The following SMCO2 variants were observed in gnomAD, a reference collection of about 807,000 sequenced individuals.
SMCO2 encodes the protein single-pass membrane and coiled-coil domain-containing protein 2.
Under a neutral mutation model 29.5 loss-of-function variants are expected in SMCO2, and 25 were observed. The observed-to-expected ratio is 0.85, with a 90% CI of 0.62 to 1.18. The LOEUF (loss-of-function observed/expected upper bound fraction) is 1.18. Ranked by LOEUF, SMCO2 falls within the 50% of genes most tolerant of loss-of-function variation. The pLI is 0.00. For synonymous variants in SMCO2, 117 were observed against 123.3 expected (o/e 0.95, Z 0.34); for missense variants, 348 against 344.5 (o/e 1.01, Z -0.08).
the SMCO2 span, among the ~76,000 whole-genome samples, chr12:27,429,924 A>C: frequency 6.6e-6 from 1 of 152,088 alleles, no homozygotes; most frequent in Non-Finnish European, 1.5e-5. Context: ...AGGAGGGAAA[A>C]CTTCTCCACC....
exon 5 of SMCO2, chr12:27,488,487 G>A: frequency 6.5e-7 from 1 of 1,538,104 alleles, no homozygotes. Context: ...TGACCCTGAA[G>A]GGTCAAATTG....
chr12:27,443,409 A>G, the SMCO2 span, among the ~76,000 whole-genome samples: 1 of 152,238 alleles, frequency 6.6e-6, no homozygotes, highest in Non-Finnish European at 1.5e-5. Context: ...GGCTAACATC[A>G]TAGTGAATAG....
In SMCO2 at chr12:27,501,656, G is replaced by A. The variant is rs137964746; in HGVS notation, c.684-267G>A. On this transcript the variant is annotated intron_variant, in intron 7 of 7. Coordinates refer to ENST00000298876, the Ensembl canonical transcript of SMCO2. ...ATTGCAATAACCTGCTAGGATGTGAGAAGGACATTTCAAAGGAAAGAACCC... is the reference window on the plus strand; with the variant it reads ...ATTGCAATAACCTGCTAGGATGTGAAAAGGACATTTCAAAGGAAAGAACCC... Among the ~76,000 whole-genome samples, 56 of 150,408 alleles carry A rather than the reference G, an allele frequency of 3.7e-4. 4 individuals carry two copies. The highest frequency in any genetic ancestry group is 1.3e-3 in the African/African-American group (51 of 40,154).
At chr12:27,470,825 G>A in intron 2 of SMCO2, 60 bp downstream of exon 2, 1 of 1,520,456 alleles carries the variant, frequency 6.6e-7, no homozygotes, top group Non-Finnish European at 8.8e-7. Flanking sequence ...GACGTTCTTG[G>A]GCCAGCGGTA....
chr12:27,486,021 T>A (rs1288232610), intron 4 of SMCO2, among the ~76,000 whole-genome samples: 1 of 152,218 alleles, frequency 6.6e-6, no homozygotes, highest in African/African-American at 2.4e-5. Context: ...CAATACCTTC[T>A]GAGTATTCTA....
the SMCO2 span, among the ~76,000 whole-genome samples, chr12:27,444,465 G>A: frequency 6.6e-6 from 1 of 152,134 alleles, no homozygotes; most frequent in Non-Finnish European, 1.5e-5. Context: ...GACCTCAAAA[G>A]TATAGGCCAT....
upstream of SMCO2, among the ~76,000 whole-genome samples, chr12:27,462,473 G>T (rs73300780): frequency 0.013 from 1,903 of 152,212 alleles, 41 homozygotes; most frequent in African/African-American, 0.043. Context: ...CAAAATCTTC[G>T]CCGCCTGAGG....
At chr12:27,425,180 ATTGGT>A in the SMCO2 span, 1 of 151,714 alleles carries the variant, frequency 6.6e-6, no homozygotes, top group Non-Finnish European at 1.5e-5. Flanking sequence ...TCGTCTGTAT[ATTGGT>A]ATTTTTAAAT....
At chr12:27,439,163 C>T in the SMCO2 span, among the ~76,000 whole-genome samples, 1 of 152,134 alleles carries the variant, frequency 6.6e-6, no homozygotes, top group African/African-American at 2.4e-5. Flanking sequence ...GGCAGGGCTA[C>T]CATCTTCAGC....
At chr12:27,467,987 A>G (rs1949511356) in intron 1 of SMCO2, among the ~76,000 whole-genome samples, 1 of 152,212 alleles carries the variant, frequency 6.6e-6, no homozygotes, top group Non-Finnish European at 1.5e-5. Flanking sequence ...CTTTTATTTT[A>G]ATAGATAGAT....
In SMCO2 at chr12:27,494,247, A is replaced by C. The variant is rs551049816; in HGVS notation, c.451-53A>C. On this transcript the variant is annotated intron_variant, in intron 5 of 7. Transcript: ENST00000298876. The stretch of plus-strand genomic sequence containing the variant: ...CAAAATAAGTGAGATTTTATTGTAC[A>C]AACCAGAAAAATATAAGTTTCATTT... The C allele has an allele frequency of 8.9e-5, 109 of 1,219,532 alleles. No individual in the cohort carries two copies. In the African/African-American group the frequency reaches 1.7e-3, roughly 18 times the overall value. 75.5% of individuals were successfully genotyped at this position (1,219,532 alleles called of 1,614,324 possible).
rs1394926055 is a variant in SMCO2, at chr12:27,474,790, T to A, written c.239T>A (p.Met80Lys). Reference sequence around the variant, plus strand: ...TTCCATCATCATCTTTACCAGGGTATGTTGGAGCTAGAGGCTGAGCATGAC... The same window carrying A: ...TTCCATCATCATCTTTACCAGGGTAAGTTGGAGCTAGAGGCTGAGCATGAC... The change falls in exon 4 of 8, where the codon ATG (methionine) becomes AAG (lysine). Residue 80 changes from methionine to lysine, a missense_variant. Met to Lys is a moderately conservative substitution (Grantham distance 95, BLOSUM62 -1). Transcript: ENST00000298876. The A allele has an allele frequency of 3.2e-6, 5 of 1,551,628 alleles. No individual in the cohort carries two copies. In the South Asian group the frequency reaches 5.9e-5, roughly 18 times the overall value.
At chr12:27,463,335 G>A (rs1949472671), upstream of SMCO2, among the ~76,000 whole-genome samples, 2 of 152,150 alleles carry the variant, frequency 1.3e-5, no homozygotes, top group South Asian at 4.1e-4. Flanking sequence ...CATGATCTCG[G>A]CTCACTGCAG....
chr12:27,496,184 C>A lies in SMCO2; in HGVS notation c.683+329C>A, dbSNP rs1181429500. Among the ~76,000 whole-genome samples the A allele has an allele frequency of 5.3e-5, 8 of 150,006 alleles. 2 individuals carry two copies. Among genetic ancestry groups the A allele is most frequent in the African/African-American group, 1.8e-4 (7 of 39,924 alleles). On this transcript the variant is annotated intron_variant, in intron 7 of 7. Coordinates refer to ENST00000298876, the Ensembl canonical transcript of SMCO2. ...ATGACCAAAGACCTCTTGTGGGTGG[C>A]TATTAATGTTAATTATATTTTTAGT...
chr12:27,451,029 A>C, the SMCO2 span, among the ~76,000 whole-genome samples: 1 of 152,210 alleles, frequency 6.6e-6, no homozygotes, highest in Non-Finnish European at 1.5e-5. Context: ...TGCCAAGCCG[A>C]GGCTCTCATT....
At chr12:27,429,101 CA>C in the SMCO2 span, among the ~76,000 whole-genome samples, 5 of 152,008 alleles carry the variant, frequency 3.3e-5, no homozygotes, top group African/African-American at 1.2e-4. Flanking sequence ...AGAAAATGGA[CA>C]CATAGATTAT....
chr12:27,499,101 A>G (rs1943047293), intron 7 of SMCO2, among the ~76,000 whole-genome samples: 1 of 150,816 alleles, frequency 6.6e-6, no homozygotes, highest in African/African-American at 2.5e-5. Context: ...ATATACTCAA[A>G]AGAATTGAAA....
chr12:27,456,894 C>T, the SMCO2 span, among the ~76,000 whole-genome samples: 3 of 152,168 alleles, frequency 2.0e-5, no homozygotes, highest in Non-Finnish European at 4.4e-5. Flanking sequence ...AGCTCAGTCT[C>T]CTGTCAGAGC....
chr12:27,424,686 G>C, the SMCO2 span: 1 of 152,138 alleles, frequency 6.6e-6, no homozygotes, highest in Non-Finnish European at 1.5e-5. Context: ...CCCTCAGGTG[G>C]GTCATCACTG....
Sources: gnomAD v4.1 joint callset for allele counts (sites outside exome capture counted in the v4.1 genomes callset) on GRCh38, gnomAD v4.1.1 for gene constraint, MANE v1.5 for transcripts, NCBI Gene and HGNC (gene_info 2026-07-23, HGNC 2026-07-21) for gene names.